INTS14: variants seen among roughly 807,000 people sequenced by gnomAD.
INTS14 encodes the protein integrator complex subunit 14.
INTS14 carries 27 observed loss-of-function variants against 56.9 expected under a neutral mutation model. The observed-to-expected ratio is 0.47, with a 90% CI of 0.35 to 0.65. INTS14 has a LOEUF of 0.65. Ranked by LOEUF, INTS14 falls within the 30% of genes least tolerant of loss-of-function variation. INTS14 has a pLI of 0.00. For missense variants in INTS14, 517 were observed against 632.2 expected, an observed-to-expected ratio of 0.82 and a Z score of 1.95; for synonymous variants, 207 against 236.2, an observed-to-expected ratio of 0.88 and a Z score of 1.13.
intron 10 of INTS14, 28 bp downstream of exon 10, chr15:65,584,742 T>C (rs1328210426): frequency 1.3e-6 from 2 of 1,599,380 alleles, no homozygotes; most frequent in Non-Finnish European, 1.7e-6. Context: ...CTGTCCCCAG[T>C]GGAAAGCAAC....
Position 65,584,893 on chromosome 15 carries a change from A to G in INTS14, c.1121-5T>C. ...CATAAGGGTTTTCTTTAGCATCTTA[A>G]AAGAAAAGACATTCTTGAAATGACA... On this transcript the variant is annotated splice_region_variant and splice_polypyrimidine_tract_variant and intron_variant, in intron 9 of 11. Transcript: ENST00000313182. 2 of 1,604,306 alleles carry G rather than the reference A, an allele frequency of 1.2e-6. No homozygotes were observed. The highest frequency in any genetic ancestry group is 1.7e-6 in the Non-Finnish European group (2 of 1,175,500).
intron 4 of INTS14, chr15:65,599,278 T>C: frequency 4.0e-6 from 1 of 250,830 alleles, no homozygotes. Context: ...AAAGTGTTTC[T>C]AACGTCTTTT....
chr15:65,599,928 A>C lies in INTS14; in HGVS notation c.332T>G (p.Val111Gly), dbSNP rs2073365129. 1 of 1,610,314 alleles carries C rather than the reference A, an allele frequency of 6.2e-7. No homozygotes were observed. Among genetic ancestry groups the C allele is most frequent in the Non-Finnish European group, 8.5e-7 (1 of 1,178,438 alleles). The stretch of plus-strand genomic sequence containing the variant: ...AAGACAGCCGTCTGTCACCAGGACA[A>C]CCTGTTTGTAAAAAGAGAGAGAGGA... ...QEWGGAIPCQ[V>G]VLVTDGCLGI... Residue 111 changes from valine (V) to glycine (G), a missense_variant and splice_region_variant, in exon 4 of 12, where the codon GTT becomes GGT. Val to Gly is a moderately radical substitution (Grantham distance 109). Transcript: ENST00000313182.
chr15:65,593,282 G>T (rs1596248799), intron 8 of INTS14, 146 bp downstream of exon 8: 3 of 951,398 alleles, frequency 3.2e-6, no homozygotes, highest in East Asian at 2.6e-5. Flanking sequence ...AAAAAGGACT[G>T]TAGTAGCAGG....
chr15:65,604,504 C>T (rs566696609), intron 3 of INTS14, among the ~76,000 whole-genome samples: 14 of 152,114 alleles, frequency 9.2e-5, no homozygotes, highest in Admixed American at 6.5e-4. Flanking sequence ...ACGAGGTGGG[C>T]GGATCGCCTG....
chr15:65,585,178 T>A lies in INTS14; in HGVS notation c.1121-290A>T, dbSNP rs185755276. Among the ~76,000 whole-genome samples, 710 of 151,074 alleles carry A rather than the reference T, an allele frequency of 4.7e-3. 5 individuals are homozygous for A. Among genetic ancestry groups the A allele is most frequent in the African/African-American group, 0.014 (598 of 41,380 alleles). Reference sequence around the variant, plus strand: ...ATAAAACAAATACATATTTAAAAAATATATATATATATACATACACATAGA... The same window carrying A: ...ATAAAACAAATACATATTTAAAAAAAATATATATATATACATACACATAGA... On this transcript the variant is annotated intron_variant, in intron 9 of 11. Transcript: ENST00000313182.
At chr15:65,585,961 C>A (rs1399518448) in intron 9 of INTS14, among the ~76,000 whole-genome samples, 3 of 152,172 alleles carry the variant, frequency 2.0e-5, no homozygotes, top group Non-Finnish European at 4.4e-5. Context: ...AATATATAAA[C>A]CTTCTGAGTC....
chr15:65,579,468 A>G lies in INTS14; in HGVS notation c.1497T>C (p.Tyr499=). Residue 499 remains tyrosine (Y), a synonymous_variant, in exon 12 of 12, where the codon TAT becomes TAC. Coordinates refer to ENST00000313182, the MANE Select transcript of INTS14 (RefSeq NM_001394796.1). Reference sequence around the variant, plus strand: ...TGTGCAAAGGTGTGATGTTCTGGTCATAAGCGGCATACTCAGAGGTGCCGG... The same window carrying G: ...TGTGCAAAGGTGTGATGTTCTGGTCGTAAGCGGCATACTCAGAGGTGCCGG... The part of the protein sequence containing the change: ...ASTGTSEYAA[Y]DQNITPLHTD... The G allele has an allele frequency of 6.2e-7, 1 of 1,614,270 alleles. No individual in the cohort carries two copies. The highest frequency in any genetic ancestry group is 8.5e-7 in the Non-Finnish European group (1 of 1,180,048).
intron 9 of INTS14, among the ~76,000 whole-genome samples, chr15:65,587,350 GA>G (rs1017188703): frequency 6.9e-6 from 1 of 144,236 alleles, no homozygotes; most frequent in East Asian, 2.0e-4. Flanking sequence ...ATGACGCTAA[GA>G]AAAAAAAAGG....
In INTS14 at chr15:65,588,150, G is replaced by A. The variant is rs573116292; in HGVS notation, c.1121-3262C>T. 1.5e-3 allele frequency among the ~76,000 whole-genome samples: 222 copies of A among 151,864 alleles called. 1 individual carries two copies. The highest frequency in any genetic ancestry group is 5.0e-3 in the African/African-American group (206 of 41,406). ...CTAAAAATACAAAAATCAGCCAAGC[G>A]TGGTGGTGGACACCTGCAGTTCCAG... is the stretch of plus-strand genomic sequence containing the variant. On this transcript the variant is annotated intron_variant, in intron 9 of 11. Coordinates refer to ENST00000313182, the MANE Select transcript of INTS14 (RefSeq NM_001394796.1).
In INTS14 at chr15:65,579,808, C is replaced by T. The variant is rs1226132145; in HGVS notation, c.1306-149G>A. 7.9e-6 allele frequency: 10 copies of T among 1,262,734 alleles called. No homozygotes were observed. In the Admixed American group the frequency reaches 2.8e-4, roughly 36 times the overall value. 78.2% of individuals were successfully genotyped at this position (1,262,734 alleles called of 1,614,324 possible). On this transcript the variant is annotated intron_variant, in intron 11 of 11. Transcript: ENST00000313182. ...AATGTTTATTTAGGGATGCCAGTAA[C>T]AAGAATGTGATGGTTTTACTGGGAA... is the stretch of plus-strand genomic sequence containing the variant.
rs754386578 is a variant in INTS14, at chr15:65,599,866, T to A, written c.394A>T (p.Thr132Ser). The change falls in exon 4 of 12, where the codon ACT (threonine) becomes TCT (serine). Residue 132 changes from threonine to serine, a missense_variant. By Grantham distance (58) the Thr-to-Ser change is moderately conservative. Coordinates refer to ENST00000313182, the MANE Select transcript of INTS14 (RefSeq NM_001394796.1). Reference sequence around the variant, plus strand: ...TTGCTCTCACTTCGTTGATTTTGAGTGGCTAGGGAATGTCGCAGTGACCCT... The same window carrying A: ...TTGCTCTCACTTCGTTGATTTTGAGAGGCTAGGGAATGTCGCAGTGACCCT... ...GRGSLRHSLA[T>S]QNQRSESNRF... 12 of 1,614,158 alleles carry A rather than the reference T, an allele frequency of 7.4e-6. 1 individual carries two copies. The Middle Eastern group carries it at 4.9e-4, about 67-fold the overall frequency.
At chr15:65,584,972 C>G in intron 9 of INTS14, 84 bp from the exon 10 acceptor site, 2 of 1,142,114 alleles carry the variant, frequency 1.8e-6, no homozygotes, top group Non-Finnish European at 2.5e-6. Context: ...CTCTTTGAAT[C>G]ACTCAATCTT....
At position 65,599,899 on chromosome 15, in the gene INTS14, T is replaced by C. The variant is rs1170113090; in HGVS notation, c.361A>G (p.Ile121Val). The C allele has an allele frequency of 2.5e-6, 4 of 1,613,484 alleles. No homozygotes were observed. In the Admixed American group the frequency reaches 5.0e-5, roughly 20 times the overall value. ...VVLVTDGCLG[I>V]GRGSLRHSLA... ...GAATGTCGCAGTGACCCTCTACCAA[T>C]GCCAAGACAGCCGTCTGTCACCAGG... Residue 121 changes from isoleucine (I) to valine (V), a missense_variant, in exon 4 of 12, where the codon ATT becomes GTT. Ile to Val is a conservative substitution (Grantham distance 29, BLOSUM62 3). Transcript: ENST00000313182.
At chr15:65,595,471 G>C (rs1307720349) in intron 7 of INTS14, among the ~76,000 whole-genome samples, 2 of 152,180 alleles carry the variant, frequency 1.3e-5, no homozygotes, top group Non-Finnish European at 2.9e-5. Flanking sequence ...CTGGATGAGG[G>C]ACTAAGCATT....
chr15:65,600,355 A>G lies in INTS14; in HGVS notation c.331-426T>C, dbSNP rs563580545. 2.6e-5 allele frequency among the ~76,000 whole-genome samples: 4 copies of G among 151,766 alleles called. No homozygotes were observed. In the South Asian group the frequency reaches 8.3e-4, roughly 32 times the overall value. ...ACAAAACAAAAAAAACAGGCCTGAC[A>G]TGGTGGCTCACACCTGTAATCCCAG... On this transcript the variant is annotated intron_variant, in intron 3 of 11. Coordinates refer to ENST00000313182, the MANE Select transcript of INTS14 (RefSeq NM_001394796.1).
intron 6 of INTS14, 105 bp from the exon 7 acceptor site, chr15:65,595,930 TATG>T (rs1296244189): frequency 1.3e-6 from 1 of 790,668 alleles, no homozygotes; most frequent in African/African-American, 1.8e-5. Flanking sequence ...GGGTTTCAAA[TATG>T]ATGACTGGGA....
intron 6 of INTS14, among the ~76,000 whole-genome samples, chr15:65,597,980 C>A (rs2073274097): frequency 1.3e-5 from 2 of 152,150 alleles, no homozygotes; most frequent in Admixed American, 6.5e-5. Flanking sequence ...GGTTGAGTAT[C>A]CCCTATCTGA....
At chr15:65,603,008 A>C (rs977821905) in intron 3 of INTS14, among the ~76,000 whole-genome samples, 7 of 152,362 alleles carry the variant, frequency 4.6e-5, no homozygotes, top group African/African-American at 1.7e-4. Context: ...CAAAGAAGAA[A>C]TAGCAAATGA....
Sources: gnomAD v4.1 joint callset for allele counts (sites outside exome capture counted in the v4.1 genomes callset) on GRCh38, gnomAD v4.1.1 for gene constraint, MANE v1.5 for transcripts, NCBI Gene and HGNC (gene_info 2026-07-23, HGNC 2026-07-21) for gene names.